Variants in AVEN observed in about 807,000 individuals in gnomAD.
AVEN encodes the protein apoptosis and caspase activation inhibitor, also known as cell death regulator Aven.
Under a neutral mutation model 38.1 loss-of-function variants are expected in AVEN, and 41 were observed. That is an observed-to-expected ratio of 1.08 (90% CI 0.84 to 1.40). The LOEUF (loss-of-function observed/expected upper bound fraction) is 1.40, where lower values mean the gene tolerates loss of function less well. Ranked by LOEUF, AVEN falls within the 40% of genes most tolerant of loss-of-function variation. The probability of loss-of-function intolerance (pLI) is 0.00; values close to 1 mark genes in which losing one functional copy is unlikely to be tolerated. For synonymous variants in AVEN, 206 were observed against 171.8 expected, an observed-to-expected ratio of 1.20 and a Z score of -1.56; for missense variants, 605 against 438.8, an observed-to-expected ratio of 1.38 and a Z score of -3.38.
chr15:33,854,419 C>T (rs1332230663), downstream of AVEN: 1 of 1,576,280 alleles, frequency 6.3e-7, no homozygotes, highest in African/African-American at 1.4e-5. Context: ...AGTACCATAT[C>T]TGGAAGCTTG....
At chr15:34,013,345 AGCCACTGG>A in intron 1 of AVEN, among the ~76,000 whole-genome samples, 1 of 152,336 alleles carries the variant, frequency 6.6e-6, no homozygotes, top group Middle Eastern at 3.4e-3. Flanking sequence ...TACAAGTGTG[AGCCACTGG>A]GCCTGGCCAA....
At chr15:33,864,286 CATTAATCCCGTGAATGCATTT>C (rs1889633635), downstream of AVEN, 1 of 917,986 alleles carries the variant, frequency 1.1e-6, no homozygotes, top group African/African-American at 1.7e-5. Context: ...TACATGGCCC[CATTAATCCCGTGAATGCATTT>C]TCCCATCACC....
chr15:34,047,481 G>A (rs1309305807), intron 5 of AVEN, among the ~76,000 whole-genome samples: 4 of 152,172 alleles, frequency 2.6e-5, no homozygotes, highest in Admixed American at 2.6e-4. Flanking sequence ...GAGCCAAGCA[G>A]CATCTTTCTG....
intron 2 of AVEN, among the ~76,000 whole-genome samples, chr15:33,948,485 TAAC>T (rs1225045976): frequency 6.7e-6 from 1 of 150,132 alleles, no homozygotes; most frequent in African/African-American, 2.5e-5. Context: ...AAAAATAAAG[TAAC>T]AATACTTTTT....
At chr15:34,062,794 G>C (rs1900389096) in intron 5 of AVEN, 8 of 1,614,212 alleles carry the variant, frequency 5.0e-6, no homozygotes, top group Non-Finnish European at 6.8e-6. Context: ...GAACGCCACA[G>C]GTTGTGGGAA....
chr15:33,980,526 C>T (rs553655), intron 2 of AVEN, among the ~76,000 whole-genome samples: 123,679 of 152,108 alleles, frequency 0.81, 55,060 homozygotes, highest in Non-Finnish European at 0.98. Context: ...GCACAAACTA[C>T]GAATATTAAA....
At chr15:33,986,909 G>C (rs994987638) in intron 2 of AVEN, among the ~76,000 whole-genome samples, 1 of 152,032 alleles carries the variant, frequency 6.6e-6, no homozygotes, top group Non-Finnish European at 1.5e-5. Flanking sequence ...CGCCCACCTC[G>C]GCCTCCCAAA....
chr15:33,976,737 C>T (rs1264391704), intron 2 of AVEN, among the ~76,000 whole-genome samples: 1 of 152,016 alleles, frequency 6.6e-6, no homozygotes, highest in African/African-American at 2.4e-5. Flanking sequence ...ATGTATTGTA[C>T]CTCTCCTGTC....
chr15:33,904,326 A>C (rs941390326), intron 2 of AVEN, among the ~76,000 whole-genome samples: 4 of 152,192 alleles, frequency 2.6e-5, no homozygotes, highest in African/African-American at 9.6e-5. Context: ...AGACTGAGGC[A>C]GGAGAACCAC....
chr15:33,950,483 C>T (rs1447651151), intron 2 of AVEN, among the ~76,000 whole-genome samples: 1 of 152,028 alleles, frequency 6.6e-6, no homozygotes, highest in Non-Finnish European at 1.5e-5. Flanking sequence ...GTCAACTATA[C>T]CTCAATAAGC....
chr15:34,003,037 G>A lies in AVEN; in HGVS notation c.440C>T (p.Ser147Phe). 3 of 1,612,924 alleles carry A rather than the reference G, an allele frequency of 1.9e-6. No homozygotes were observed. The highest frequency in any genetic ancestry group is 2.5e-6 in the Non-Finnish European group (3 of 1,179,498). ...RGTDFSVLLSSAGDSFSQFRF... is the reference protein window; with the variant it reads ...RGTDFSVLLSFAGDSFSQFRF... ...CATGCAACTGGAATTCATACCTGCAGAGCTAAGGAGGACACTGAAATCTGT... is the reference window on the plus strand; with the variant it reads ...CATGCAACTGGAATTCATACCTGCAAAGCTAAGGAGGACACTGAAATCTGT... The change falls in exon 2 of 6, where the codon TCT becomes TTT. Residue 147 changes from serine (S) to phenylalanine (F), a missense_variant. Transcript: ENST00000306730.
In AVEN at chr15:33,942,941, G is replaced by A. The variant is rs922866347; in HGVS notation, c.445+60091C>T. ...TCATACAGAATGTAGATTCAACACCGTAACACATTTTTTAACAGAAAAATA... is the reference window on the plus strand; with the variant it reads ...TCATACAGAATGTAGATTCAACACCATAACACATTTTTTAACAGAAAAATA... On this transcript the variant is annotated intron_variant, in intron 2 of 5. Transcript: ENST00000306730. Among the ~76,000 whole-genome samples, 4 of 152,078 alleles carry A rather than the reference G, an allele frequency of 2.6e-5. No individual in the cohort carries two copies. The South Asian group carries it at 6.2e-4, about 24-fold the overall frequency.
At chr15:33,918,121 GA>G (rs1893225510) in intron 2 of AVEN, among the ~76,000 whole-genome samples, 1 of 152,078 alleles carries the variant, frequency 6.6e-6, no homozygotes, top group South Asian at 2.1e-4. Context: ...GTTTCATAAT[GA>G]AATATGCAAC....
rs552010042 is a variant in AVEN at position 33,942,134 on chromosome 15, T to G, written c.445+60898A>C. ...CACAAAAAAATTAATCTGTCCTCAT[T>G]AAATAAACTCAGTTACTATTTCCAA... On this transcript the variant is annotated intron_variant, in intron 2 of 5. Coordinates refer to ENST00000306730, the MANE Select transcript of AVEN (RefSeq NM_020371.3). 2.0e-5 allele frequency among the ~76,000 whole-genome samples: 3 copies of G among 152,130 alleles called. No individual in the cohort carries two copies. In the South Asian group the frequency reaches 6.2e-4, roughly 31 times the overall value.
At position 33,927,967 on chromosome 15, in the gene AVEN, A is replaced by G. The variant is rs563430413; in HGVS notation, c.446-51972T>C. On this transcript the variant is annotated intron_variant, in intron 2 of 5. Coordinates refer to ENST00000306730, the MANE Select transcript of AVEN (RefSeq NM_020371.3). ...ACTCAGCATCAGGACACAACAGTAC[A>G]GGCTGGAGAGCTTACTGTGTGTCCT... Among the ~76,000 whole-genome samples, 227 of 152,338 alleles carry G rather than the reference A, an allele frequency of 1.5e-3. 2 individuals carry two copies. Among genetic ancestry groups the G allele is most frequent in the African/African-American group, 5.3e-3 (221 of 41,570 alleles).
At chr15:33,974,668 ACAACTTAAGATTTTGAG>A (rs1227331912) in intron 2 of AVEN, among the ~76,000 whole-genome samples, 1 of 152,190 alleles carries the variant, frequency 6.6e-6, no homozygotes, top group African/African-American at 2.4e-5. Flanking sequence ...GTTGGCGTGC[ACAACTTAAGATTTTGAG>A]CTTTGGGCCG....
At chr15:33,983,772 A>T (rs1896297963) in intron 2 of AVEN, among the ~76,000 whole-genome samples, 1 of 152,094 alleles carries the variant, frequency 6.6e-6, no homozygotes, top group Non-Finnish European at 1.5e-5. Flanking sequence ...AACCTGACGG[A>T]GGTTTCTAAG....
At chr15:33,930,385 A>C (rs1019642614) in intron 2 of AVEN, among the ~76,000 whole-genome samples, 1 of 151,902 alleles carries the variant, frequency 6.6e-6, no homozygotes, top group Non-Finnish European at 1.5e-5. Flanking sequence ...TTATTAACTA[A>C]CTACTAATTT....
intron 1 of AVEN, among the ~76,000 whole-genome samples, chr15:34,038,283 T>C (rs1899249104): frequency 6.6e-6 from 1 of 152,166 alleles, no homozygotes; most frequent in Non-Finnish European, 1.5e-5. Context: ...CAACAAACTT[T>C]TTATTATGCG....
Sources: allele counts gnomAD v4.1 joint callset (sites outside exome capture counted in the v4.1 genomes callset), GRCh38; gene constraint gnomAD v4.1.1; transcripts MANE v1.5; gene names NCBI Gene and HGNC (gene_info 2026-07-23, HGNC 2026-07-21).